Variants in PTGIS observed in about 807,000 individuals in gnomAD.
PTGIS encodes prostacyclin synthase.
A neutral mutation model predicts 50.3 loss-of-function variants in PTGIS; 45 were observed. The observed-to-expected ratio is 0.90, with a 90% CI of 0.70 to 1.15. The LOEUF (loss-of-function observed/expected upper bound fraction) is 1.15. Ranked by LOEUF, PTGIS falls within the 50% of genes most tolerant of loss-of-function variation. The pLI, the probability that PTGIS is intolerant of heterozygous loss-of-function variation, is 0.00. For missense variants in PTGIS, 668 were observed against 661.3 expected, an observed-to-expected ratio of 1.01 and a Z score of -0.11; for synonymous variants, 260 against 267.7, an observed-to-expected ratio of 0.97 and a Z score of 0.28.
chr20:49,541,395 G>A (rs1456772068), intron 4 of PTGIS, among the ~76,000 whole-genome samples: 1 of 151,890 alleles, frequency 6.6e-6, no homozygotes, highest in African/African-American at 2.4e-5. Context: ...ACCATTTCCC[G>A]GTACATATAT....
chr20:49,543,445 C>T (rs866435097), intron 4 of PTGIS, among the ~76,000 whole-genome samples: 4 of 152,160 alleles, frequency 2.6e-5, no homozygotes, highest in East Asian at 1.9e-4. Context: ...TGATGTCACC[C>T]GATCTTACTC....
Position 49,505,294 on chromosome 20 carries a change from C to T in PTGIS, c.*2626G>A, listed in dbSNP as rs966853640. 2 of 152,092 alleles carry T rather than the reference C, an allele frequency of 1.3e-5. No individual in the cohort carries two copies. The highest frequency in any genetic ancestry group is 2.9e-5 in the Non-Finnish European group (2 of 68,018). The allele number at this position is 152,092 out of a possible 1,614,324, so 9.4% of individuals were successfully genotyped here. A position where few individuals can be genotyped will look rare whatever the true frequency, so the allele number is the denominator to read the frequency against. On this transcript the variant is annotated 3_prime_UTR_variant, in exon 10 of 10. Transcript: ENST00000244043. ...TAACTAGCGCATAGCAGGTAGCTAA[C>T]CCACTCATCTCTCCCTCTTTTCTTT...
At chr20:49,513,969 T>C (rs1431761398) in intron 7 of PTGIS, among the ~76,000 whole-genome samples, 1 of 152,200 alleles carries the variant, frequency 6.6e-6, no homozygotes, top group Non-Finnish European at 1.5e-5. Context: ...CTGAAGCCAA[T>C]CCTCTGGGCT....
intron 3 of PTGIS, among the ~76,000 whole-genome samples, chr20:49,547,638 A>AAACAAACAAAC (rs540160840): frequency 2.1e-5 from 3 of 140,624 alleles, no homozygotes; most frequent in Non-Finnish European, 4.5e-5. Flanking sequence ...AACAAACAAA[A>AAACAAACAAAC]AAACCCGCCA....
chr20:49,518,460 G>C (rs1217287690), intron 6 of PTGIS, among the ~76,000 whole-genome samples: 2 of 152,120 alleles, frequency 1.3e-5, no homozygotes, highest in African/African-American at 4.8e-5. Context: ...AATATTAGTA[G>C]AAAAACTGGG....
At position 49,510,902 on chromosome 20, in the gene PTGIS, C is replaced by G. The variant is rs977592804; in HGVS notation, c.1358+126G>C. On this transcript the variant is annotated intron_variant, in intron 9 of 9. Transcript: ENST00000244043. Reference sequence around the variant, plus strand: ...AAAACCACAAATAAGAGATGGCTCACGGGCTGTCCATGTGAAGCCTCTGCC... The same window carrying G: ...AAAACCACAAATAAGAGATGGCTCAGGGGCTGTCCATGTGAAGCCTCTGCC... The G allele has an allele frequency of 2.1e-5, 18 of 843,392 alleles. No homozygotes were observed. In the African/African-American group the frequency reaches 2.7e-4, roughly 13 times the overall value. 52.2% of individuals were successfully genotyped at this position (843,392 alleles called of 1,614,324 possible).
chr20:49,508,584 A>G (rs1981224208), intron 9 of PTGIS, among the ~76,000 whole-genome samples: 1 of 151,896 alleles, frequency 6.6e-6, no homozygotes, highest in Admixed American at 6.6e-5. Flanking sequence ...CAGCCCACAC[A>G]CTTTGCCGCC....
intron 1 of PTGIS, among the ~76,000 whole-genome samples, chr20:49,556,972 T>C (rs552451153): frequency 3.9e-5 from 6 of 152,194 alleles, no homozygotes; most frequent in Admixed American, 3.9e-4. Context: ...TGGAAGAAAA[T>C]AAAAGCAATC....
At chr20:49,531,531 G>T (rs1357514746) in intron 5 of PTGIS, among the ~76,000 whole-genome samples, 8 of 152,184 alleles carry the variant, frequency 5.3e-5, no homozygotes, top group African/African-American at 1.4e-4. Context: ...TATTTAGGTT[G>T]CCCCAAAAAT....
chr20:49,566,508 AAATG>A lies in PTGIS; in HGVS notation c.74+1531_74+1534del, dbSNP rs759862805. 7.2e-5 allele frequency among the ~76,000 whole-genome samples: 11 copies of A among 152,258 alleles called. 1 individual carries two copies. The highest frequency in any genetic ancestry group is 1.6e-4 in the Non-Finnish European group (11 of 68,052). On this transcript the variant is annotated intron_variant, in intron 1 of 9. Transcript: ENST00000244043. The stretch of plus-strand genomic sequence containing the variant: ...TCTTTTTCTTTTCTTGTTTTAAGGC[AAATG>A]ATTGACTACACAGTTGTAAATTTCA...
At position 49,518,502 on chromosome 20, in the gene PTGIS, T is replaced by C. The variant is rs145360498; in HGVS notation, c.856-4107A>G. 3.0e-3 allele frequency among the ~76,000 whole-genome samples: 461 copies of C among 152,330 alleles called. 4 individuals carry two copies. The highest frequency in any genetic ancestry group is 0.021 in the Admixed American group (322 of 15,292). On this transcript the variant is annotated intron_variant, in intron 6 of 9. Coordinates refer to ENST00000244043, the MANE Select transcript of PTGIS (RefSeq NM_000961.4). ...TGAATAAAGTATAGACTTTAGTTAC[T>C]AGCAATGTCCCAATGTGAATTTCTT...
intron 1 of PTGIS, among the ~76,000 whole-genome samples, chr20:49,550,410 C>G (rs1258229130): frequency 6.6e-6 from 1 of 152,204 alleles, no homozygotes; most frequent in African/African-American, 2.4e-5. Flanking sequence ...AATACTGAAA[C>G]CCTCAGAGTC....
chr20:49,526,936 G>C (rs1981807069), intron 5 of PTGIS, among the ~76,000 whole-genome samples: 1 of 152,144 alleles, frequency 6.6e-6, no homozygotes, highest in Admixed American at 6.6e-5. Context: ...GAAAGTTAAA[G>C]AATTACCATA....
At chr20:49,524,322 G>A in intron 5 of PTGIS, 83 bp from the exon 6 acceptor site, 2 of 1,474,846 alleles carry the variant, frequency 1.4e-6, no homozygotes, top group Non-Finnish European at 1.9e-6. Flanking sequence ...CTCCCATGAG[G>A]CCAAGGGTCT....
chr20:49,520,204 T>G (rs1981612303), intron 6 of PTGIS, among the ~76,000 whole-genome samples: 1 of 152,214 alleles, frequency 6.6e-6, no homozygotes. Context: ...CCTGGGAAAC[T>G]TCATTCTATA....
chr20:49,513,898 G>A (rs1356879257), intron 7 of PTGIS, among the ~76,000 whole-genome samples: 1 of 152,254 alleles, frequency 6.6e-6, no homozygotes, highest in Non-Finnish European at 1.5e-5. Flanking sequence ...ACAGGGCTGA[G>A]AGGTGGAGAG....
intron 4 of PTGIS, among the ~76,000 whole-genome samples, chr20:49,544,037 A>C (rs1301840413): frequency 1.3e-5 from 2 of 152,196 alleles, no homozygotes; most frequent in African/African-American, 2.4e-5. Flanking sequence ...GGACAAGATG[A>C]CCTCTGAAGT....
chr20:49,544,511 C>G (rs1982310980), intron 3 of PTGIS, 63 bp from the exon 4 acceptor site: 3 of 1,592,766 alleles, frequency 1.9e-6, no homozygotes, highest in Non-Finnish European at 2.6e-6. Flanking sequence ...CCTACAGGCA[C>G]CTCCCTCCCC....
intron 2 of PTGIS, 64 bp downstream of exon 2, chr20:49,550,002 C>A: frequency 6.2e-7 from 1 of 1,613,250 alleles, no homozygotes; most frequent in East Asian, 2.2e-5. Context: ...AAGGAATCAA[C>A]AGAAACCAGA....
Sources: allele counts gnomAD v4.1 joint callset (sites outside exome capture counted in the v4.1 genomes callset), GRCh38; gene constraint gnomAD v4.1.1; transcripts MANE v1.5; gene names NCBI Gene and HGNC (gene_info 2026-07-23, HGNC 2026-07-21).